SI: variants seen among roughly 807,000 people sequenced by gnomAD.
The protein encoded by SI is sucrase-isomaltase.
SI carries 235 observed loss-of-function variants against 253.3 expected under a neutral mutation model. The observed-to-expected ratio is 0.93, with a 90% CI of 0.83 to 1.03. The LOEUF (loss-of-function observed/expected upper bound fraction) is 1.03, where lower values mean the gene tolerates loss of function less well. Among genes scored for constraint, SI ranks in the 50% least tolerant of loss-of-function variants. SI has a pLI of 0.00. For missense variants in SI, 2,442 were observed against 2,211.1 expected, an observed-to-expected ratio of 1.10 and a Z score of -2.09; for synonymous variants, 819 against 712.0, an observed-to-expected ratio of 1.15 and a Z score of -2.39.
chr3:165,076,570 T>C (rs1714989377), intron 1 of SI, among the ~76,000 whole-genome samples: 1 of 151,770 alleles, frequency 6.6e-6, no homozygotes. Flanking sequence ...AGAACATAAA[T>C]ACATATATTT....
intron 34 of SI, among the ~76,000 whole-genome samples, chr3:165,012,628 C>T (rs975915491): frequency 1.3e-5 from 2 of 151,974 alleles, no homozygotes; most frequent in Non-Finnish European, 2.9e-5. Context: ...GATGGAGTTT[C>T]ACCATGTTAG....
chr3:165,049,083 A>G, intron 15 of SI, 44 bp downstream of exon 15: 1 of 1,050,932 alleles, frequency 9.5e-7, no homozygotes, highest in Non-Finnish European at 1.5e-6. Flanking sequence ...AAACATTTTT[A>G]AGCAATAAAT....
intron 3 of SI, among the ~76,000 whole-genome samples, chr3:165,070,837 G>A (rs1024095545): frequency 5.9e-5 from 9 of 152,140 alleles, no homozygotes; most frequent in Admixed American, 2.6e-4. Flanking sequence ...CTCTCTCACC[G>A]TACTGGAGGT....
At position 165,021,310 on chromosome 3, in the gene SI, T is replaced by C. The variant is rs1171301227; in HGVS notation, c.3173A>G (p.Tyr1058Cys). Residue 1058 changes from tyrosine (Y) to cysteine (C), a missense_variant, in exon 27 of 48, where the codon TAT becomes TGT. Tyr to Cys is a radical substitution (Grantham distance 194, BLOSUM62 -2). Transcript: ENST00000264382. ...TTCCACATCATAAAGTCTGTCTTCA[T>C]AAGTACTTATTGGGGTGGTTGGAAT... ...LNIPTTPIST[Y>C]EDRLYDVEIK... The C allele has an allele frequency of 6.2e-7, 1 of 1,611,326 alleles. No homozygotes were observed. The highest frequency in any genetic ancestry group is 8.5e-7 in the Non-Finnish European group (1 of 1,177,966).
intron 30 of SI, 27 bp from the exon 31 acceptor site, chr3:165,017,700 A>T (rs1719105027): frequency 2.5e-6 from 4 of 1,609,816 alleles, no homozygotes; most frequent in Admixed American, 3.3e-5. Flanking sequence ...TGTGTGAACT[A>T]AGAGAATTAC....
intron 45 of SI, among the ~76,000 whole-genome samples, chr3:164,985,725 G>A (rs973320001): frequency 4.6e-5 from 7 of 152,006 alleles, no homozygotes; most frequent in African/African-American, 1.7e-4. Context: ...TGTTCAGAAC[G>A]CTCATCTAGT....
In SI at chr3:165,013,202, T is replaced by C. The variant is rs1377801574; in HGVS notation, c.4000-160A>G. On this transcript the variant is annotated intron_variant, in intron 33 of 47. Transcript: ENST00000264382. ...CTCATTATTATTGACACACATACCA[T>C]TTGCAAACTATTCCCATTTTCCATG... 2.0e-5 allele frequency among the ~76,000 whole-genome samples: 3 copies of C among 152,142 alleles called. No individual in the cohort carries two copies. The East Asian group carries it at 5.8e-4, about 29-fold the overall frequency.
At chr3:165,059,143 G>A (rs759256966) in intron 11 of SI, 25 bp downstream of exon 11, 2 of 1,611,460 alleles carry the variant, frequency 1.2e-6, no homozygotes, top group Admixed American at 3.4e-5. Context: ...CACTAAAAAT[G>A]TATTAAGGTA....
In SI at chr3:164,998,632, G is replaced by C; in HGVS notation, c.4448C>G (p.Ser1483Cys). ...TCCACTAGTAGGATACGTGGAACGA[G>C]AAATTACAATCCCTCTTTTTCCAGT... Reference protein sequence around the residue: ...KTTGKRGIVISRSTYPTSGRW... With the variant: ...KTTGKRGIVICRSTYPTSGRW... The change falls in exon 38 of 48, where the codon TCT becomes TGT. Residue 1483 changes from serine to cysteine, a missense_variant. Physicochemically the swap from Ser to Cys is moderately radical, Grantham distance 112. Transcript: ENST00000264382. 6.2e-7 allele frequency: 1 copy of C among 1,611,694 alleles called. No individual in the cohort carries two copies. The highest frequency in any genetic ancestry group is 8.5e-7 in the Non-Finnish European group (1 of 1,178,322).
intron 1 of SI, among the ~76,000 whole-genome samples, chr3:165,077,354 C>T (rs748501764): frequency 1.3e-5 from 2 of 151,556 alleles, no homozygotes; most frequent in Non-Finnish European, 3.0e-5. Context: ...ATTAAATGTC[C>T]ATTGCAATTA....
At chr3:164,991,707 T>C (rs1464098929) in intron 43 of SI, among the ~76,000 whole-genome samples, 2 of 152,128 alleles carry the variant, frequency 1.3e-5, no homozygotes, top group Non-Finnish European at 2.9e-5. Context: ...AATTTACTTT[T>C]TAAAAAAGCA....
chr3:165,028,833 A>C (rs577322265), intron 25 of SI, among the ~76,000 whole-genome samples: 1 of 151,462 alleles, frequency 6.6e-6, no homozygotes, highest in Non-Finnish European at 1.5e-5. Context: ...AACTACAAAA[A>C]TTCTAGAAGA....
intron 45 of SI, among the ~76,000 whole-genome samples, chr3:164,983,665 C>T (rs1384678654): frequency 6.6e-6 from 1 of 152,098 alleles, no homozygotes; most frequent in Non-Finnish European, 1.5e-5. Context: ...TCATGGCTCA[C>T]TACAGCCTGG....
chr3:165,013,754 A>C (rs184935705), intron 33 of SI, among the ~76,000 whole-genome samples: 1 of 152,290 alleles, frequency 6.6e-6, no homozygotes, highest in Non-Finnish European at 1.5e-5. Context: ...GCTCTAAAGG[A>C]AGGGGAGAAA....
In SI at chr3:165,036,372, A is replaced by C. The variant is rs764839017; in HGVS notation, c.2515+17T>G. ...TTATCAGAGTGAACATTTAAAGCGT[A>C]TTACTTTCAGACTTACCTTTAGTTT... On this transcript the variant is annotated intron_variant, in intron 22 of 47. Coordinates refer to ENST00000264382, the MANE Select transcript of SI (RefSeq NM_001041.4). The C allele has an allele frequency of 4.7e-5, 74 of 1,563,908 alleles. No homozygotes were observed. The Admixed American group carries it at 1.2e-3, about 26-fold the overall frequency.
chr3:165,053,565 T>G (rs898769241), intron 13 of SI, among the ~76,000 whole-genome samples: 2 of 152,180 alleles, frequency 1.3e-5, no homozygotes, highest in African/African-American at 4.8e-5. Flanking sequence ...CTGCTTCTTG[T>G]GTTTTTTGTT....
At chr3:164,985,487 C>A (rs1717392155) in intron 45 of SI, among the ~76,000 whole-genome samples, 1 of 152,108 alleles carries the variant, frequency 6.6e-6, no homozygotes, top group African/African-American at 2.4e-5. Flanking sequence ...TCCCAAAAGT[C>A]TTGCTGTCTA....
chr3:165,074,766 C>T (rs947159217), intron 2 of SI, 99 bp from the exon 3 acceptor site: 7 of 974,216 alleles, frequency 7.2e-6, no homozygotes, highest in African/African-American at 5.0e-5. Flanking sequence ...TACATGAATT[C>T]ATATAAAATG....
upstream of SI, chr3:165,078,584 T>C (rs973009685): frequency 6.6e-6 from 1 of 151,944 alleles, no homozygotes. Context: ...AATAATCTTC[T>C]GCTCAACATA....
Sources: gnomAD v4.1 joint callset for allele counts (sites outside exome capture counted in the v4.1 genomes callset) on GRCh38, gnomAD v4.1.1 for gene constraint, MANE v1.5 for transcripts, NCBI Gene and HGNC (gene_info 2026-07-23, HGNC 2026-07-21) for gene names.